The following RALGDS variants were observed in gnomAD, a reference collection of about 807,000 sequenced individuals.
RALGDS encodes ral guanine nucleotide dissociation stimulator.
In RALGDS, 44 loss-of-function variants were observed where a neutral mutation model predicts 99.8. The ratio of observed to expected loss-of-function variants is 0.44; its 90% CI spans 0.35 to 0.57. The LOEUF is 0.57. Ranked by LOEUF, RALGDS falls within the 20% of genes least tolerant of loss-of-function variation. The probability of loss-of-function intolerance (pLI) is 0.01; values close to 1 mark genes in which losing one functional copy is unlikely to be tolerated. For missense variants in RALGDS, 1,022 were observed against 1,203.1 expected (o/e 0.85, Z 2.23); for synonymous variants, 529 against 505.0 (o/e 1.05, Z -0.64).
At position 133,103,219 on chromosome 9, in the gene RALGDS, C is replaced by A. The variant is rs374221240; in HGVS notation, c.1791+11G>T. 6.8e-6 allele frequency: 11 copies of A among 1,613,788 alleles called. No individual in the cohort carries two copies. In the Admixed American group the frequency reaches 1.8e-4, roughly 27 times the overall value. ...CCCCTCCCCAAGTCAGGGCTGCCTGCAGCTGCTTACCTTCCTCCTCTTCTC... is the reference window on the plus strand; with the variant it reads ...CCCCTCCCCAAGTCAGGGCTGCCTGAAGCTGCTTACCTTCCTCCTCTTCTC... On this transcript the variant is annotated intron_variant, in intron 12 of 17. Transcript: ENST00000372050.
rs145020652 is a variant in RALGDS at position 133,098,653 on chromosome 9, G to A, written c.2679C>T (p.His893=). The change falls in exon 18 of 18, where the codon CAC becomes CAT. Residue 893 remains histidine, a synonymous_variant. Transcript: ENST00000372050. ...TGCGAGGGAGGGTGGAGCTGGCTCC[G>A]TGCTTGACCTTCACTCCCTTGGTGA... ...RTFTKGVKVK[H]GASSTLPRMK... 4.6e-4 allele frequency: 738 copies of A among 1,614,050 alleles called. No homozygotes were observed. Among genetic ancestry groups the A allele is most frequent in the Non-Finnish European group, 5.8e-4 (689 of 1,180,034 alleles).
rs1019499213 is a variant in RALGDS at position 133,098,031 on chromosome 9, C to T, written c.*556G>A. The T allele has an allele frequency of 1.6e-4, 41 of 255,758 alleles. No homozygotes were observed. The highest frequency in any genetic ancestry group is 9.0e-4 in the African/African-American group (41 of 45,742). The allele number at this position is 255,758 out of a possible 1,614,324, so 15.8% of individuals were successfully genotyped here. On this transcript the variant is annotated 3_prime_UTR_variant, in exon 18 of 18. Coordinates refer to ENST00000372050, the MANE Select transcript of RALGDS (RefSeq NM_006266.4). ...AGTCTGGTCCATGAAGAGGGTTTCT[C>T]TCTCTGCTCCCAGGGGAGGGCTGGG...
intron 1 of RALGDS, among the ~76,000 whole-genome samples, chr9:133,116,403 G>T (rs557653310): frequency 6.6e-6 from 1 of 152,220 alleles, no homozygotes; most frequent in Non-Finnish European, 1.5e-5. Context: ...CGCAAAGGCC[G>T]GCCCATCTCT....
At position 133,144,704 on chromosome 9, in the gene RALGDS, A is replaced by G. The variant is rs1371680144; in HGVS notation, c.18+4259T>C. 6.6e-6 allele frequency among the ~76,000 whole-genome samples: 1 copy of G among 151,314 alleles called. No individual in the cohort carries two copies. Among genetic ancestry groups the G allele is most frequent in the Non-Finnish European group, 1.5e-5 (1 of 67,840 alleles). On this transcript the variant is annotated intron_variant, in intron 1 of 17. Transcript: ENST00000393160. This position sits in a 1 kb window ranked among gnomAD's most constrained non-coding sequence, Gnocchi z 4.5. ...GGCTGGGTTCCTGCGATGTCTTCCG[A>G]CTCCCCGCTGCTCCCCTAGTCCCCG...
Position 133,117,314 on chromosome 9 carries a change from C to T in RALGDS, c.183+3658G>A, listed in dbSNP as rs1334873769. On this transcript the variant is annotated intron_variant, in intron 1 of 17. Coordinates refer to ENST00000372050, the MANE Select transcript of RALGDS (RefSeq NM_006266.4). ...AGGAAACTGAGGCTCAGGAGCACGTCTACATCTGCTAGGGGGCTGAGCTGG... is the reference window on the plus strand; with the variant it reads ...AGGAAACTGAGGCTCAGGAGCACGTTTACATCTGCTAGGGGGCTGAGCTGG... Among the ~76,000 whole-genome samples the T allele has an allele frequency of 1.3e-5, 2 of 152,330 alleles. 1 individual carries two copies. Among genetic ancestry groups the T allele is most frequent in the South Asian group, 4.1e-4 (2 of 4,826 alleles).
At chr9:133,145,775 A>T (rs907995172) in intron 1 of RALGDS, among the ~76,000 whole-genome samples, 1 of 152,174 alleles carries the variant, frequency 6.6e-6, no homozygotes, top group African/African-American at 2.4e-5. Flanking sequence ...GACCTGCACA[A>T]TGGGGATGGT....
intron 1 of RALGDS, chr9:133,129,383 C>T (rs34429998): frequency 0.27 from 397,470 of 1,472,804 alleles, 56,529 homozygotes; most frequent in Middle Eastern, 0.34. Context: ...TGCTCGTCGC[C>T]TGCGTGCCCT....
In RALGDS at chr9:133,108,053, C is replaced by G. The variant is rs556390384; in HGVS notation, c.1132G>C (p.Glu378Gln). The change falls in exon 6 of 18, where the codon GAG becomes CAG. Residue 378 changes from glutamate to glutamine, a missense_variant. Physicochemically the swap from Glu to Gln is conservative, Grantham distance 29. Around this residue, in one of 3 missense-constraint regions of RALGDS, gnomAD observed 825 missense variants for 994.5 expected, o/e 0.83. Transcript: ENST00000372050. The stretch of plus-strand genomic sequence containing the variant: ...GGGAACACCAAGAGGTGAGGCTTCT[C>G]CTCACTCAGCCCGTTCTCTGCAACC... The part of the protein sequence containing the change: ...PVVAENGLSE[E>Q]KPHLLVFPPD... The G allele has an allele frequency of 6.2e-7, 1 of 1,613,620 alleles. No individual in the cohort carries two copies. Among genetic ancestry groups the G allele is most frequent in the Admixed American group, 1.7e-5 (1 of 60,032 alleles).
At chr9:133,148,863 G>C in intron 1 of RALGDS, 1 of 1,446,034 alleles carries the variant, frequency 6.9e-7, no homozygotes, top group Non-Finnish European at 9.4e-7. Flanking sequence ...CACGCTCAGC[G>C]TGGACGCGGC....
chr9:133,145,773 C>T (rs779689479), intron 1 of RALGDS, among the ~76,000 whole-genome samples: 8 of 152,188 alleles, frequency 5.3e-5, no homozygotes, highest in Non-Finnish European at 1.2e-4. Context: ...CTGACCTGCA[C>T]AATGGGGATG....
upstream of RALGDS, among the ~76,000 whole-genome samples, chr9:133,133,918 C>T (rs973470489): frequency 6.6e-6 from 1 of 152,192 alleles, no homozygotes; most frequent in African/African-American, 2.4e-5. Flanking sequence ...TGACTCAGAG[C>T]CAGAGCAGTG....
chr9:133,128,722 G>GGGGC (rs1471154598), intron 1 of RALGDS, among the ~76,000 whole-genome samples: 1 of 152,146 alleles, frequency 6.6e-6, no homozygotes, highest in Non-Finnish European at 1.5e-5. Flanking sequence ...TTCACCTCCT[G>GGGGC]GGGCCTCAAT....
rs1422634197 is a variant in RALGDS, at chr9:133,121,176, C to A, written c.-22G>T. Reference sequence around the variant, plus strand: ...CCATGGAAGGCTCGCAGCGCGGGCGCGGGGCCGGCCCGGCGCGCGGCGGGG... The same window carrying A: ...CCATGGAAGGCTCGCAGCGCGGGCGAGGGGCCGGCCCGGCGCGCGGCGGGG... On this transcript the variant is annotated 5_prime_UTR_variant, in exon 1 of 18. Transcript: ENST00000372050. The A allele has an allele frequency of 9.4e-7, 1 of 1,066,788 alleles. No homozygotes were observed. Among genetic ancestry groups the A allele is most frequent in the Non-Finnish European group, 1.1e-6 (1 of 882,146 alleles). 66.1% of individuals were successfully genotyped at this position (1,066,788 alleles called of 1,614,324 possible).
At position 133,129,162 on chromosome 9, in the gene RALGDS, G is replaced by A. The variant is rs763846173; in HGVS notation, c.132+1790C>T. 9 of 1,596,108 alleles carry A rather than the reference G, an allele frequency of 5.6e-6. No homozygotes were observed. The South Asian group carries it at 7.7e-5, about 14-fold the overall frequency. ...ACCTCGGTGGTGGCCGGTGCTGGCA[G>A]AGGTGCCAGCCAAGGTGTCGGGCTT... On this transcript the variant is annotated intron_variant, in intron 1 of 17. Transcript: ENST00000372062.
chr9:133,105,762 C>T (rs1275739125), intron 9 of RALGDS, among the ~76,000 whole-genome samples, 170 bp downstream of exon 9: 1 of 152,058 alleles, frequency 6.6e-6, no homozygotes, highest in Non-Finnish European at 1.5e-5. Context: ...CCCTCTTCCC[C>T]CTTCACGCAC....
At chr9:133,133,977 G>T (rs547916251), upstream of RALGDS, among the ~76,000 whole-genome samples, 13 of 152,352 alleles carry the variant, frequency 8.5e-5, no homozygotes, top group African/African-American at 3.1e-4. Flanking sequence ...CCAGGAAGCA[G>T]ATAGCAGAGG....
intron 1 of RALGDS, among the ~76,000 whole-genome samples, chr9:133,141,648 C>T (rs539458934): frequency 1.9e-3 from 284 of 152,344 alleles, no homozygotes; most frequent in African/African-American, 6.3e-3. Context: ...GAGGTGGATG[C>T]CGACATGTGA....
In RALGDS at chr9:133,106,694, G is replaced by A; in HGVS notation, c.1468C>T (p.Gln490Ter). The A allele has an allele frequency of 1.2e-6, 2 of 1,612,936 alleles. No individual in the cohort carries two copies. Among genetic ancestry groups the A allele is most frequent in the Non-Finnish European group, 1.7e-6 (2 of 1,179,666 alleles). ...TTCAGACGGTGGATGGAGTTGCTCT[G>A]CAGGGCAGAGAGGATGGCATACAGT... ...SSLYAILSALQSNSIHRLKKT... is the reference protein window; with the variant it reads ...SSLYAILSAL The change falls in exon 8 of 18, where the codon CAG becomes TAG. Residue 490 changes from glutamine (Q) to a stop codon, truncating the protein, a stop_gained. Transcript: ENST00000372050. LOFTEE classifies it high-confidence loss of function.
At chr9:133,120,325 G>A (rs1271331246) in intron 1 of RALGDS, among the ~76,000 whole-genome samples, 1 of 152,088 alleles carries the variant, frequency 6.6e-6, no homozygotes, top group African/African-American at 2.4e-5. Flanking sequence ...CAGTTAAGCA[G>A]AAACAAGTCT....
Sources: gnomAD v4.1 joint callset for allele counts (sites outside exome capture counted in the v4.1 genomes callset) on GRCh38, gnomAD v4.1.1 for gene constraint, gnomAD v4.1.1 regional missense constraint, Gnocchi (gnomAD v3.1) non-coding constraint, MANE v1.5 for transcripts, NCBI Gene and HGNC (gene_info 2026-07-23, HGNC 2026-07-21) for gene names.